The following ZFP1 variants were observed in gnomAD, a reference collection of about 807,000 sequenced individuals.
The protein encoded by ZFP1 is ZFP1 zinc finger protein.
ZFP1 carries 32 observed loss-of-function variants against 38.5 expected under a neutral mutation model. That is an observed-to-expected ratio of 0.83 (90% CI 0.63 to 1.12). The LOEUF (loss-of-function observed/expected upper bound fraction) is 1.12, where lower values mean the gene tolerates loss of function less well. Ranked by LOEUF, ZFP1 falls within the 50% of genes most tolerant of loss-of-function variation. The pLI is 0.00. For missense variants in ZFP1, 616 were observed against 480.8 expected (o/e 1.28, Z -2.63); for synonymous variants, 245 against 168.8 (o/e 1.45, Z -3.50).
intron 2 of ZFP1, among the ~76,000 whole-genome samples, chr16:75,161,182 C>T (rs1189347061): frequency 1.3e-5 from 2 of 152,146 alleles, no homozygotes; most frequent in African/African-American, 4.8e-5. Context: ...ATTCTCCTGC[C>T]TCAGCCTCCC....
chr16:75,165,258 C>G (rs778222570), intron 2 of ZFP1, among the ~76,000 whole-genome samples: 1 of 152,264 alleles, frequency 6.6e-6, no homozygotes, highest in Middle Eastern at 3.4e-3. Flanking sequence ...TTACTTGACC[C>G]TTTATAGAAA....
the ZFP1 span, chr16:75,128,098 AC>A: frequency 6.6e-6 from 1 of 152,208 alleles, no homozygotes; most frequent in Non-Finnish European, 1.5e-5. Flanking sequence ...AAGGAATCAA[AC>A]TTCACTTATG....
At chr16:75,164,693 C>A (rs1202168937) in intron 2 of ZFP1, among the ~76,000 whole-genome samples, 1 of 151,950 alleles carries the variant, frequency 6.6e-6, no homozygotes, top group Non-Finnish European at 1.5e-5. Context: ...ATGTGACCCA[C>A]AAGCTAAGAA....
At chr16:75,125,646 A>G in the ZFP1 span, among the ~76,000 whole-genome samples, 2 of 152,178 alleles carry the variant, frequency 1.3e-5, no homozygotes, top group African/African-American at 2.4e-5. Context: ...TATGATCAAG[A>G]TGAAAATTTT....
chr16:75,147,414 A>C (rs2036965787), upstream of ZFP1, among the ~76,000 whole-genome samples: 1 of 151,428 alleles, frequency 6.6e-6, no homozygotes, highest in Non-Finnish European at 1.5e-5. Context: ...AGTAGCTGGG[A>C]CTACAGGTGC....
the ZFP1 span, among the ~76,000 whole-genome samples, chr16:75,123,283 G>A: frequency 6.6e-6 from 1 of 151,286 alleles, no homozygotes; most frequent in South Asian, 2.1e-4. Flanking sequence ...GAACCCAGGA[G>A]GTGGAGGTTG....
the ZFP1 span, among the ~76,000 whole-genome samples, chr16:75,142,754 G>A: frequency 6.6e-6 from 1 of 152,144 alleles, no homozygotes; most frequent in Non-Finnish European, 1.5e-5. Context: ...CCAGGTTGGA[G>A]TGCAGTGGTG....
chr16:75,143,416 G>T, the ZFP1 span, among the ~76,000 whole-genome samples: 1 of 151,184 alleles, frequency 6.6e-6, no homozygotes, highest in Non-Finnish European at 1.5e-5. Flanking sequence ...TAATTTTTTT[G>T]TGTGTTTTTA....
At chr16:75,127,518 G>C in the ZFP1 span, among the ~76,000 whole-genome samples, 1 of 151,970 alleles carries the variant, frequency 6.6e-6, no homozygotes, top group African/African-American at 2.4e-5. Context: ...ATGGGGTTTC[G>C]CCATGTTGGC....
the ZFP1 span, among the ~76,000 whole-genome samples, chr16:75,130,463 C>A: frequency 2.6e-5 from 4 of 152,212 alleles, no homozygotes; most frequent in Admixed American, 6.5e-5. Context: ...TGACTTGAGG[C>A]TTTCTTCCCT....
intron 2 of ZFP1, 40 bp from the exon 3 acceptor site, chr16:75,166,730 A>AAATGATCATCTTAG (rs1385674065): frequency 6.2e-7 from 1 of 1,613,800 alleles, no homozygotes; most frequent in African/African-American, 1.3e-5. Flanking sequence ...CTATATCACC[A>AAATGATCATCTTAG]AATGATCATC....
intron 2 of ZFP1, among the ~76,000 whole-genome samples, chr16:75,157,709 C>T (rs767345707): frequency 6.6e-6 from 1 of 152,160 alleles, no homozygotes; most frequent in Non-Finnish European, 1.5e-5. Flanking sequence ...ATGGACTTAT[C>T]CTTTTATCAT....
rs376667867 is a variant in ZFP1 at position 75,153,016 on chromosome 16, G to C, written c.15+50G>C. 2.5e-6 allele frequency: 4 copies of C among 1,602,658 alleles called. No homozygotes were observed. The African/African-American group carries it at 4.0e-5, about 16-fold the overall frequency. The stretch of plus-strand genomic sequence containing the variant: ...TTTGCTTTTCAGTGCATTTAAGGAA[G>C]TTTATAAGGATCCAGAAAATGAAAT... On this transcript the variant is annotated intron_variant, in intron 2 of 3. Coordinates refer to ENST00000570010, the MANE Select transcript of ZFP1 (RefSeq NM_153688.4).
chr16:75,140,137 G>A, the ZFP1 span, among the ~76,000 whole-genome samples: 1 of 152,062 alleles, frequency 6.6e-6, no homozygotes, highest in Non-Finnish European at 1.5e-5. Context: ...GCGTGGTGGT[G>A]CACTCCTGTA....
rs190456644 is a variant in ZFP1, at chr16:75,151,383, T to C, written c.-43-1526T>C. 8.7e-4 allele frequency among the ~76,000 whole-genome samples: 132 copies of C among 152,278 alleles called. 1 individual carries two copies. Among genetic ancestry groups the C allele is most frequent in the South Asian group, 4.3e-3 (21 of 4,828 alleles). ...GTGTTAAAGTCTACCATCTTGCTGG[T>C]TTTTTTCTGTTTTTCTTATTTGGTC... On this transcript the variant is annotated intron_variant, in intron 1 of 3. Coordinates refer to ENST00000570010, the MANE Select transcript of ZFP1 (RefSeq NM_153688.4).
intron 2 of ZFP1, among the ~76,000 whole-genome samples, chr16:75,164,532 G>A (rs144996955): frequency 6.6e-6 from 1 of 152,076 alleles, no homozygotes; most frequent in East Asian, 1.9e-4. Context: ...ACATCCAACT[G>A]ATTCTTGCTG....
chr16:75,152,915 C>A lies in ZFP1; in HGVS notation c.-37C>A, dbSNP rs780982741. 15 of 1,612,668 alleles carry A rather than the reference C, an allele frequency of 9.3e-6. No individual in the cohort carries two copies. The highest frequency in any genetic ancestry group is 1.3e-5 in the African/African-American group (1 of 74,836). On this transcript the variant is annotated 5_prime_UTR_variant, in exon 2 of 4. Coordinates refer to ENST00000570010, the MANE Select transcript of ZFP1 (RefSeq NM_153688.4). ...CCTTTTTCCTCTATTCCAGTTCTGC[C>A]TTCATAGTTCTCTGCCTTTGCCCAA...
intron 1 of ZFP1, chr16:75,148,961 C>G (rs548277434): frequency 1.3e-5 from 2 of 151,868 alleles, no homozygotes; most frequent in South Asian, 4.2e-4. Flanking sequence ...TTCTGGAGCC[C>G]CGGCGGGCGC....
rs1400186864 is a variant in ZFP1, at chr16:75,170,194, A to C, written c.1084A>C (p.Ser362Arg). 1 of 1,614,228 alleles carries C rather than the reference A, an allele frequency of 6.2e-7. No individual in the cohort carries two copies. Residue 362 changes from serine to arginine, a missense_variant, in exon 4 of 4, where the codon AGC becomes CGC. Ser to Arg is a moderately radical substitution (Grantham distance 110). Coordinates refer to ENST00000570010, the MANE Select transcript of ZFP1 (RefSeq NM_153688.4). ...ATGTACTGAGTGCGGCAAAACTTTC[A>C]GCCAGAGGTCAACTCTTAGATTACA... ...YECTECGKTFSQRSTLRLHLR... is the reference protein window; with the variant it reads ...YECTECGKTFRQRSTLRLHLR...
Sources: allele counts gnomAD v4.1 joint callset (sites outside exome capture counted in the v4.1 genomes callset), GRCh38; gene constraint gnomAD v4.1.1; transcripts MANE v1.5; gene names NCBI Gene and HGNC (gene_info 2026-07-23, HGNC 2026-07-21).